The following KIFBP variants were observed in gnomAD, a reference collection of about 807,000 sequenced individuals.
KIFBP encodes the protein kinesin family binding protein, also known as KIF-binding protein.
Under a neutral mutation model 58.9 loss-of-function variants are expected in KIFBP, and 46 were observed. The ratio of observed to expected loss-of-function variants is 0.78; its 90% CI spans 0.62 to 1.00. The LOEUF is 1.00. Among genes scored for constraint, KIFBP ranks in the 50% least tolerant of loss-of-function variants. The probability of loss-of-function intolerance (pLI) is 0.00; values close to 1 mark genes in which losing one functional copy is unlikely to be tolerated. For missense variants in KIFBP, 651 were observed against 752.9 expected (o/e 0.86, Z 1.58); for synonymous variants, 241 against 283.4 (o/e 0.85, Z 1.50).
At chr10:68,999,182 C>T (rs1843437632) in intron 1 of KIFBP, among the ~76,000 whole-genome samples, 1 of 152,066 alleles carries the variant, frequency 6.6e-6, no homozygotes, top group African/African-American at 2.4e-5. Context: ...ACTGCAACCT[C>T]TGCCTCCCAG....
chr10:69,000,202 G>T (rs915240726), intron 1 of KIFBP, among the ~76,000 whole-genome samples: 1 of 152,170 alleles, frequency 6.6e-6, no homozygotes, highest in Admixed American at 6.5e-5. Context: ...AGGGGAAGAG[G>T]TTACCTAAGA....
At chr10:69,005,020 A>G (rs1458898649) in intron 2 of KIFBP, 26 bp from the exon 3 acceptor site, 1 of 1,577,000 alleles carries the variant, frequency 6.3e-7, no homozygotes, top group Middle Eastern at 1.7e-4. Flanking sequence ...AAAACTTTAA[A>G]GAGCTTTTGT....
intron 4 of KIFBP, chr10:69,007,850 T>G (rs1219804323): frequency 6.6e-6 from 1 of 152,190 alleles, no homozygotes; most frequent in Non-Finnish European, 1.5e-5. Context: ...TCCTTTGACT[T>G]ACATGACAAA....
chr10:69,005,700 T>C, intron 3 of KIFBP, 32 bp from the exon 4 acceptor site: 1 of 1,517,672 alleles, frequency 6.6e-7, no homozygotes, highest in Non-Finnish European at 9.1e-7. Flanking sequence ...AGTAAACCAT[T>C]ACACAAATAT....
Position 69,015,565 on chromosome 10 carries a change from G to C in KIFBP, c.1015G>C (p.Asp339His). The stretch of plus-strand genomic sequence containing the variant: ...GGACAACATAGGAGAGCTTGATCTT[G>C]ATAAACAGTCTGAACTTAGAGCTTT... The part of the protein sequence containing the change: ...MQDNIGELDL[D>H]KQSELRALRK... Residue 339 changes from aspartate to histidine, a missense_variant, in exon 7 of 7, where the codon GAT becomes CAT. Physicochemically the swap from Asp to His is moderately conservative, Grantham distance 81. Coordinates refer to ENST00000361983, the MANE Select transcript of KIFBP (RefSeq NM_015634.4). 1 of 1,613,580 alleles carries C rather than the reference G, an allele frequency of 6.2e-7. No homozygotes were observed. Among genetic ancestry groups the C allele is most frequent in the Non-Finnish European group, 8.5e-7 (1 of 1,179,924 alleles).
intron 4 of KIFBP, among the ~76,000 whole-genome samples, chr10:69,008,377 T>TAAAAAAAAAAAAAAAAAAAA (rs1211667916): frequency 4.0e-5 from 3 of 75,466 alleles, no homozygotes; most frequent in African/African-American, 1.7e-4. Context: ...CCCTGTCTCG[T>TAAAAAAAAAAAAAAAAAAAA]AAAAAAAAAA....
chr10:68,989,500 CA>C, intron 1 of KIFBP: 1 of 591,074 alleles, frequency 1.7e-6, no homozygotes, highest in Non-Finnish European at 3.0e-6. Flanking sequence ...CCTCGTCGCC[CA>C]CACCAATATC....
intron 4 of KIFBP, among the ~76,000 whole-genome samples, chr10:69,008,628 TTAA>T (rs1843561690): frequency 6.6e-6 from 1 of 151,832 alleles, no homozygotes; most frequent in Non-Finnish European, 1.5e-5. Context: ...TTTGGGGGCA[TTAA>T]TATTTTAACC....
chr10:68,999,191 A>G (rs1843437784), intron 1 of KIFBP, among the ~76,000 whole-genome samples: 1 of 151,714 alleles, frequency 6.6e-6, no homozygotes, highest in South Asian at 2.1e-4. Flanking sequence ...TCTGCCTCCC[A>G]GGTTCAGGCA....
chr10:69,008,806 A>G (rs966568738), intron 4 of KIFBP, 35 bp from the exon 5 acceptor site: 2 of 1,460,740 alleles, frequency 1.4e-6, no homozygotes, highest in South Asian at 2.3e-5. Flanking sequence ...AAGCTGTGTG[A>G]TAGTTGCATT....
At chr10:68,989,300 G>A in intron 1 of KIFBP, 42 bp downstream of exon 1, 5 of 1,602,894 alleles carry the variant, frequency 3.1e-6, no homozygotes, top group Non-Finnish European at 4.3e-6. Context: ...TTGGCAAATG[G>A]CGAGGGATGG....
At position 69,015,524 on chromosome 10, in the gene KIFBP, A is replaced by ATTTTTTTTT. The variant is rs753233197; in HGVS notation, c.991-16_991-8dup. 1 of 1,596,550 alleles carries ATTTTTTTTT rather than the reference A, an allele frequency of 6.3e-7. No individual in the cohort carries two copies. ...TGAGTGTCCTACTTAACCATAATTT[A>ATTTTTTTTT]TTTTTTTTTCCTTCAGGACAACATA... On this transcript the variant is annotated splice_polypyrimidine_tract_variant and intron_variant, in intron 6 of 6. Transcript: ENST00000361983.
chr10:68,998,514 G>A (rs1490360368), intron 1 of KIFBP, among the ~76,000 whole-genome samples: 6 of 151,252 alleles, frequency 4.0e-5, no homozygotes, highest in Non-Finnish European at 7.4e-5. Flanking sequence ...TAGGAGATTG[G>A]TGAAAAGAAA....
intron 4 of KIFBP, among the ~76,000 whole-genome samples, chr10:69,008,150 A>C (rs1843553307): frequency 6.6e-6 from 1 of 151,786 alleles, no homozygotes; most frequent in Non-Finnish European, 1.5e-5. Flanking sequence ...CAGGCTGGGC[A>C]AGGTGGCTTA....
intron 3 of KIFBP, among the ~76,000 whole-genome samples, chr10:69,005,490 T>C (rs1352868533): frequency 6.6e-6 from 1 of 151,974 alleles, no homozygotes; most frequent in Non-Finnish European, 1.5e-5. Context: ...GGCCTGACTA[T>C]TATGGTGAAA....
intron 6 of KIFBP, 157 bp from the exon 7 acceptor site, chr10:69,015,381 AAAG>A: frequency 1.6e-6 from 1 of 615,314 alleles, no homozygotes; most frequent in Non-Finnish European, 2.8e-6. Flanking sequence ...CGGAAGAAAG[AAAG>A]AAGTTTTCAA....
intron 1 of KIFBP, among the ~76,000 whole-genome samples, chr10:68,996,987 T>C (rs1161955539): frequency 6.6e-6 from 1 of 152,226 alleles, no homozygotes; most frequent in African/African-American, 2.4e-5. Flanking sequence ...ACTTTGTCTC[T>C]ATTTGAAGAA....
chr10:69,000,367 T>G (rs1843453314), intron 1 of KIFBP, 57 bp from the exon 2 acceptor site: 3 of 1,153,350 alleles, frequency 2.6e-6, no homozygotes, highest in Non-Finnish European at 3.9e-6. Flanking sequence ...ACTATGAAAG[T>G]TACTTTAATT....
At chr10:69,004,957 A>G (rs1843515195) in intron 2 of KIFBP, 89 bp from the exon 3 acceptor site, 1 of 834,686 alleles carries the variant, frequency 1.2e-6, no homozygotes. Context: ...TTTGGCTTGT[A>G]GAAGTTGATT....
Sources: gnomAD v4.1 joint callset for allele counts (sites outside exome capture counted in the v4.1 genomes callset) on GRCh38, gnomAD v4.1.1 for gene constraint, MANE v1.5 for transcripts, NCBI Gene and HGNC (gene_info 2026-07-23, HGNC 2026-07-21) for gene names.